CELSR1: variants seen among roughly 807,000 people sequenced by gnomAD.
The protein encoded by CELSR1 is adhesion G protein-coupled receptor C1.
A neutral mutation model predicts 249.1 loss-of-function variants in CELSR1; 110 were observed. The ratio of observed to expected loss-of-function variants is 0.44; its 90% confidence interval spans 0.38 to 0.52. The LOEUF (loss-of-function observed/expected upper bound fraction) is 0.52. Ranked by LOEUF, CELSR1 falls within the 20% of genes least tolerant of loss-of-function variation. The pLI is 0.00. For synonymous variants in CELSR1, 2,113 were observed against 1,900.0 expected, an observed-to-expected ratio of 1.11 and a Z score of -2.92; for missense variants, 4,109 against 4,296.4, an observed-to-expected ratio of 0.96 and a Z score of 1.22.
Position 46,450,458 on chromosome 22 carries a change from G to A in CELSR1, c.4184-11047C>T, listed in dbSNP as rs142677339. On this transcript the variant is annotated intron_variant, in intron 2 of 34. Coordinates refer to ENST00000674500, the MANE Select transcript of CELSR1 (RefSeq NM_001378328.1). ...AGCACTTTCACAGCAACCTCCTCCA[G>A]AGGTGAGCACAGTCCACACATGACC... Among the ~76,000 whole-genome samples, 309 of 152,374 alleles carry A rather than the reference G, an allele frequency of 2.0e-3. 2 individuals carry two copies. The highest frequency in any genetic ancestry group is 8.3e-3 in the South Asian group (40 of 4,832).
At position 46,390,273 on chromosome 22, in the gene CELSR1, C is replaced by T. The variant is rs372914475; in HGVS notation, c.6345+119G>A. The T allele has an allele frequency of 3.2e-5, 26 of 809,772 alleles. No individual in the cohort carries two copies. Among genetic ancestry groups the T allele is most frequent in the South Asian group, 9.6e-5 (5 of 52,278 alleles). 50.2% of individuals were successfully genotyped at this position (809,772 alleles called of 1,614,324 possible). A position where few individuals can be genotyped will look rare whatever the true frequency, so the allele number is the denominator to read the frequency against. ...CTGCGGGCCCGTGGGGCTGTCCCTG[C>T]GCCATCCCAGCCGCCCCAACACTCC... On this transcript the variant is annotated intron_variant, in intron 17 of 34. Coordinates refer to ENST00000674500, the MANE Select transcript of CELSR1 (RefSeq NM_001378328.1). The surrounding 1 kb of genome is among the most constrained non-coding windows in gnomAD (Gnocchi z 6.3).
intron 27 of CELSR1, among the ~76,000 whole-genome samples, chr22:46,368,589 C>T (rs1252885702): frequency 2.0e-5 from 3 of 151,302 alleles, no homozygotes; most frequent in African/African-American, 7.4e-5. Context: ...GCTACCAGGT[C>T]ACCAGGGGCT....
intron 5 of CELSR1, among the ~76,000 whole-genome samples, chr22:46,432,328 T>C (rs1436241366): frequency 2.6e-5 from 4 of 152,136 alleles, no homozygotes; most frequent in African/African-American, 4.8e-5. Context: ...CCAGGCACAG[T>C]GGCTGTGAAA....
At position 46,433,802 on chromosome 22, in the gene CELSR1, A is replaced by G. The variant is rs2079625136; in HGVS notation, c.4523-321T>C. ...TGGGTTCAAGAGATTCTCCTGCCTCAGCCTCCTGAGTAGCTGGGATTACAG... is the reference window on the plus strand; with the variant it reads ...TGGGTTCAAGAGATTCTCCTGCCTCGGCCTCCTGAGTAGCTGGGATTACAG... On this transcript the variant is annotated intron_variant, in intron 4 of 34. Coordinates refer to ENST00000674500, the MANE Select transcript of CELSR1 (RefSeq NM_001378328.1). The surrounding 1 kb of genome is among the most constrained non-coding windows in gnomAD (Gnocchi z 5.7). 1.3e-5 allele frequency among the ~76,000 whole-genome samples: 2 copies of G among 152,264 alleles called. No homozygotes were observed. The highest frequency in any genetic ancestry group is 4.1e-4 in the South Asian group (2 of 4,822).
Position 46,364,230 on chromosome 22 carries a change from G to A in CELSR1, c.8801C>T (p.Thr2934Ile). Residue 2934 changes from threonine (T) to isoleucine (I), a missense_variant, in exon 34 of 35, where the codon ACC (threonine) becomes ATC (isoleucine). By Grantham distance (89) the Thr-to-Ile change is moderately conservative. Coordinates refer to ENST00000674500, the MANE Select transcript of CELSR1 (RefSeq NM_001378328.1). ...QRKGILKNKVTYPPPLTLTEQ... is the reference protein window; with the variant it reads ...QRKGILKNKVIYPPPLTLTEQ... ...CGTCAGCGTCAGCGGCGGCGGGTAGGTGACTTTATTTTTCAAGATGCCTGG... is the reference window on the plus strand; with the variant it reads ...CGTCAGCGTCAGCGGCGGCGGGTAGATGACTTTATTTTTCAAGATGCCTGG... 1.2e-6 allele frequency: 2 copies of A among 1,609,654 alleles called. No individual in the cohort carries two copies. The highest frequency in any genetic ancestry group is 1.7e-6 in the Non-Finnish European group (2 of 1,179,604).
At chr22:46,415,249 A>G (rs1314057407) in intron 5 of CELSR1, among the ~76,000 whole-genome samples, 1 of 152,140 alleles carries the variant, frequency 6.6e-6, no homozygotes, top group Admixed American at 6.6e-5. Context: ...TCCCAGGTTC[A>G]AGCGATTCTC....
rs1043949508 is a variant in CELSR1, at chr22:46,412,706, C to T, written c.4612-947G>A. ...GCATATCCACCCAGCCAGCCTCAGACGCCCTTCCAGGAGGAAAAGCAGCAC... is the reference window on the plus strand; with the variant it reads ...GCATATCCACCCAGCCAGCCTCAGATGCCCTTCCAGGAGGAAAAGCAGCAC... On this transcript the variant is annotated intron_variant, in intron 5 of 34. Coordinates refer to ENST00000674500, the MANE Select transcript of CELSR1 (RefSeq NM_001378328.1). This position sits in a 1 kb window ranked among gnomAD's most constrained non-coding sequence, Gnocchi z 4.5. Among the ~76,000 whole-genome samples, 3 of 152,214 alleles carry T rather than the reference C, an allele frequency of 2.0e-5. No individual in the cohort carries two copies. The highest frequency in any genetic ancestry group is 2.1e-4 in the South Asian group (1 of 4,826).
rs1360783718 is a variant in CELSR1 at position 46,526,839 on chromosome 22, A to G, written c.3544+6788T>C. On this transcript the variant is annotated intron_variant, in intron 1 of 34. Coordinates refer to ENST00000674500, the MANE Select transcript of CELSR1 (RefSeq NM_001378328.1). This position sits in a 1 kb window ranked among gnomAD's most constrained non-coding sequence, Gnocchi z 4.7. ...GCTGGTCTCCCCAGTCTGGACCTGCACACACAATCAACTTCAGGACACTCT... is the reference window on the plus strand; with the variant it reads ...GCTGGTCTCCCCAGTCTGGACCTGCGCACACAATCAACTTCAGGACACTCT... Among the ~76,000 whole-genome samples the G allele has an allele frequency of 6.6e-6, 1 of 152,154 alleles. No homozygotes were observed. The highest frequency in any genetic ancestry group is 1.5e-5 in the Non-Finnish European group (1 of 68,020).
rs1166381521 is a variant in CELSR1 at position 46,536,184 on chromosome 22, A to T, written c.987T>A (p.Ser329Arg). 6.2e-7 allele frequency: 1 copy of T among 1,612,384 alleles called. No individual in the cohort carries two copies. Among genetic ancestry groups the T allele is most frequent in the East Asian group, 2.2e-5 (1 of 44,750 alleles). The change falls in exon 1 of 35, where the codon AGT (serine) becomes AGA (arginine). Residue 329 changes from serine (S) to arginine (R), a missense_variant. Physicochemically the swap from Ser to Arg is moderately radical, Grantham distance 110. Transcript: ENST00000674500. Reference protein sequence around the residue: ...HVLRVKAVDYSTPPRSATTYI... With the variant: ...HVLRVKAVDYRTPPRSATTYI... ...AGGTGGTGGCCGAGCGCGGCGGCGTACTGTAGTCCACGGCTTTCACCCTGA... is the reference window on the plus strand; with the variant it reads ...AGGTGGTGGCCGAGCGCGGCGGCGTTCTGTAGTCCACGGCTTTCACCCTGA...
rs1267433337 is a variant in CELSR1 at position 46,440,207 on chromosome 22, C to T, written c.4184-796G>A. On this transcript the variant is annotated intron_variant, in intron 2 of 34. Transcript: ENST00000674500. The surrounding 1 kb of genome is among the most constrained non-coding windows in gnomAD (Gnocchi z 4.7). ...CATCTGCTCGGAGGGTCTCAGTGTT[C>T]GCCATGCTTCGACCCAGTTGTTCCT... 6.6e-6 allele frequency among the ~76,000 whole-genome samples: 1 copy of T among 152,134 alleles called. No homozygotes were observed. The highest frequency in any genetic ancestry group is 1.5e-5 in the Non-Finnish European group (1 of 68,026).
chr22:46,475,659 T>TGG (rs11386552), intron 1 of CELSR1, among the ~76,000 whole-genome samples: 19,725 of 149,304 alleles, frequency 0.13, 1,404 homozygotes, highest in Admixed American at 0.2. Context: ...AAGAAACGAA[T>TGG]GGGGGGGGAA....
chr22:46,390,983 C>T lies in CELSR1; in HGVS notation c.6250+203G>A, dbSNP rs1041134686. On this transcript the variant is annotated intron_variant, in intron 16 of 34. Coordinates refer to ENST00000674500, the MANE Select transcript of CELSR1 (RefSeq NM_001378328.1). This position sits in a 1 kb window ranked among gnomAD's most constrained non-coding sequence, Gnocchi z 6.3. ...CCTGACTGGCGGGCGTCCCCACACG[C>T]GCTGCACTGTTCATGTTTCTGTTGC... 3.3e-5 allele frequency among the ~76,000 whole-genome samples: 5 copies of T among 152,348 alleles called. No homozygotes were observed. The highest frequency in any genetic ancestry group is 3.9e-4 in the East Asian group (2 of 5,190).
chr22:46,394,118 G>A (rs768369369), intron 14 of CELSR1, 24 bp downstream of exon 14: 2 of 1,609,558 alleles, frequency 1.2e-6, no homozygotes, highest in Non-Finnish European at 1.7e-6. Context: ...ACAGCATGCA[G>A]GGATCATGGG....
chr22:46,368,301 C>T (rs1369160032), intron 27 of CELSR1, among the ~76,000 whole-genome samples: 1 of 152,106 alleles, frequency 6.6e-6, no homozygotes, highest in Non-Finnish European at 1.5e-5. Context: ...GGCGCATCCC[C>T]TCCCAGGGTT....
At chr22:46,523,859 G>C (rs1406001325) in intron 1 of CELSR1, among the ~76,000 whole-genome samples, 2 of 152,056 alleles carry the variant, frequency 1.3e-5, no homozygotes, top group African/African-American at 4.8e-5. Flanking sequence ...TCTACCATAA[G>C]AGACCCCACA....
In CELSR1 at chr22:46,391,338, A is replaced by G. The variant is rs2079088997; in HGVS notation, c.6149-51T>C. 2 of 1,522,064 alleles carry G rather than the reference A, an allele frequency of 1.3e-6. No individual in the cohort carries two copies. The highest frequency in any genetic ancestry group is 1.8e-6 in the Non-Finnish European group (2 of 1,102,636). 94.3% of individuals were successfully genotyped at this position (1,522,064 alleles called of 1,614,324 possible). A position where few individuals can be genotyped will look rare whatever the true frequency, so the allele number is the denominator to read the frequency against. On this transcript the variant is annotated intron_variant, in intron 15 of 34. Transcript: ENST00000674500. This position sits in a 1 kb window ranked among gnomAD's most constrained non-coding sequence, Gnocchi z 4.3. ...CTCAGCGGGGCACGCCACACCCACG[A>G]CCACAAACAGGCACCACTGTCTGCA... is the stretch of plus-strand genomic sequence containing the variant.
In CELSR1 at chr22:46,468,372, C is replaced by G. The variant is rs1370362719; in HGVS notation, c.3545-4027G>C. ...CTGCACTCCAGCCTGGGCAACAAAG[C>G]AAGACTCTGTCTCAAAAAAAAAAAA... On this transcript the variant is annotated intron_variant, in intron 1 of 34. Transcript: ENST00000674500. This position sits in a 1 kb window ranked among gnomAD's most constrained non-coding sequence, Gnocchi z 4.5. Among the ~76,000 whole-genome samples the G allele has an allele frequency of 7.9e-6, 1 of 127,332 alleles. No homozygotes were observed. The highest frequency in any genetic ancestry group is 3.1e-5 in the African/African-American group (1 of 32,482). 83.5% of individuals were successfully genotyped at this position (127,332 alleles called of 152,430 possible).
chr22:46,396,568 T>C lies in CELSR1; in HGVS notation c.5843+37A>G. The C allele has an allele frequency of 6.6e-6, 10 of 1,504,720 alleles. No individual in the cohort carries two copies. Among genetic ancestry groups the C allele is most frequent in the Non-Finnish European group, 8.9e-6 (10 of 1,129,406 alleles). 93.2% of individuals were successfully genotyped at this position (1,504,720 alleles called of 1,614,324 possible). A position where few individuals can be genotyped will look rare whatever the true frequency, so the allele number is the denominator to read the frequency against. ...GTCGAGGGAACACAGCCACATGGAC[T>C]CTGAAGGTGCAGGGAGGCACCAGGG... On this transcript the variant is annotated intron_variant, in intron 13 of 34. Coordinates refer to ENST00000674500, the MANE Select transcript of CELSR1 (RefSeq NM_001378328.1). The surrounding 1 kb of genome is among the most constrained non-coding windows in gnomAD (Gnocchi z 6.4).
In CELSR1 at chr22:46,470,672, CA is replaced by C. The variant is rs372049937; in HGVS notation, c.3545-6328del. Among the ~76,000 whole-genome samples, 60 of 152,264 alleles carry C rather than the reference CA, an allele frequency of 3.9e-4. 1 individual carries two copies. In the East Asian group the frequency reaches 9.8e-3, roughly 25 times the overall value. ...CTGGGTTGGATTTTGAACCAACCTG[CA>C]GCTTAAGCCTTCAGATACACACATC... On this transcript the variant is annotated intron_variant, in intron 1 of 34. Coordinates refer to ENST00000674500, the MANE Select transcript of CELSR1 (RefSeq NM_001378328.1).
Sources: allele counts gnomAD v4.1 joint callset (sites outside exome capture counted in the v4.1 genomes callset), GRCh38; gene constraint gnomAD v4.1.1; non-coding constraint Gnocchi (gnomAD v3.1); transcripts MANE v1.5; gene names NCBI Gene and HGNC (gene_info 2026-07-23, HGNC 2026-07-21).